The following GRIK1 variants were observed in gnomAD, a reference collection of about 807,000 sequenced individuals.
The protein encoded by GRIK1 is glutamate receptor ionotropic, kainate 1.
A neutral mutation model predicts 105.7 loss-of-function variants in GRIK1; 69 were observed. The observed-to-expected ratio is 0.65, with a 90% CI of 0.54 to 0.80. GRIK1 has a LOEUF of 0.80. Ranked by LOEUF, GRIK1 falls within the 30% of genes least tolerant of loss-of-function variation. The pLI is 0.00. For synonymous variants in GRIK1, 438 were observed against 431.3 expected (o/e 1.02, Z -0.19); for missense variants, 1,109 against 1,167.3 (o/e 0.95, Z 0.73).
rs1199185678 is a variant in GRIK1 at position 29,689,910 on chromosome 21, G to A, written c.362C>T (p.Ser121Phe). Residue 121 changes from serine to phenylalanine, a missense_variant, in exon 3 of 18, where the codon TCT (serine) becomes TTT (phenylalanine). Transcript: ENST00000327783. ...TGGAACTTCGAGAGCATTGCAAATAGACTGCACAGCACTGACGGAGGAGCT... is the reference window on the plus strand; with the variant it reads ...TGGAACTTCGAGAGCATTGCAAATAAACTGCACAGCACTGACGGAGGAGCT... ...SHSSSVSAVQ[S>F]ICNALEVPHI... 4 of 1,613,346 alleles carry A rather than the reference G, an allele frequency of 2.5e-6. No individual in the cohort carries two copies. Among genetic ancestry groups the A allele is most frequent in the Non-Finnish European group, 3.4e-6 (4 of 1,179,466 alleles).
At chr21:29,829,191 A>G (rs985425047) in intron 1 of GRIK1, among the ~76,000 whole-genome samples, 3 of 152,140 alleles carry the variant, frequency 2.0e-5, no homozygotes, top group African/African-American at 7.2e-5. Flanking sequence ...ATCTCACCAC[A>G]TGCTGCAGTG....
At chr21:29,901,959 A>G (rs456812) in intron 1 of GRIK1, among the ~76,000 whole-genome samples, 33,629 of 152,098 alleles carry the variant, frequency 0.22, 4,242 homozygotes, top group African/African-American at 0.34. Flanking sequence ...ACAATAAGTC[A>G]GCTTCATCCC....
intron 4 of GRIK1, among the ~76,000 whole-genome samples, chr21:29,660,507 A>G (rs758059059): frequency 2.0e-5 from 3 of 152,210 alleles, no homozygotes; most frequent in Non-Finnish European, 2.9e-5. Flanking sequence ...GGAGACAGCA[A>G]TGAAAAATTC....
chr21:29,774,140 T>C (rs1275048264), intron 1 of GRIK1, among the ~76,000 whole-genome samples: 1 of 152,198 alleles, frequency 6.6e-6, no homozygotes, highest in Admixed American at 6.5e-5. Context: ...TGCAGAGAAT[T>C]ATAATATCCT....
intron 1 of GRIK1, among the ~76,000 whole-genome samples, chr21:29,853,998 G>A (rs1367503235): frequency 1.3e-5 from 2 of 152,178 alleles, no homozygotes; most frequent in African/African-American, 2.4e-5. Context: ...GCAAAGGCCT[G>A]AAGGAAGTCA....
chr21:29,683,807 C>T (rs909456415), intron 3 of GRIK1, among the ~76,000 whole-genome samples: 1 of 152,216 alleles, frequency 6.6e-6, no homozygotes, highest in Non-Finnish European at 1.5e-5. Context: ...TAGCTATTTA[C>T]ATATGCAAAG....
intron 7 of GRIK1, among the ~76,000 whole-genome samples, chr21:29,613,498 G>A (rs2061774360): frequency 1.3e-5 from 2 of 152,180 alleles, no homozygotes; most frequent in Non-Finnish European, 2.9e-5. Context: ...TGATACTCAT[G>A]TTTGCTGACC....
intron 1 of GRIK1, among the ~76,000 whole-genome samples, chr21:29,753,557 C>T (rs2065259281): frequency 6.6e-6 from 1 of 152,202 alleles, no homozygotes; most frequent in Admixed American, 6.5e-5. Context: ...AAAATTGTCC[C>T]TGTGAAACCA....
rs544659166 is a variant in GRIK1 at position 29,656,292 on chromosome 21, C to T, written c.727-1429G>A. 2.1e-4 allele frequency among the ~76,000 whole-genome samples: 27 copies of T among 126,750 alleles called. No individual in the cohort carries two copies. The East Asian group carries it at 6.0e-3, about 28-fold the overall frequency. 83.2% of individuals were successfully genotyped at this position (126,750 alleles called of 152,430 possible). A position where few individuals can be genotyped will look rare whatever the true frequency, so the allele number is the denominator to read the frequency against. On this transcript the variant is annotated intron_variant, in intron 4 of 17. Transcript: ENST00000327783. ...CAGGAGAACGGCGTGAACCCGGGGG[C>T]GGAGCTTACAGTGAGCCAAGATCGC...
At chr21:29,843,248 AGTGACACATAC>A (rs1468679334) in intron 1 of GRIK1, among the ~76,000 whole-genome samples, 3 of 152,218 alleles carry the variant, frequency 2.0e-5, no homozygotes, top group African/African-American at 7.2e-5. Context: ...AGTGCAAGAC[AGTGACACATAC>A]CTAGAATTTG....
At chr21:29,660,252 A>T (rs927122038) in intron 4 of GRIK1, among the ~76,000 whole-genome samples, 1 of 152,154 alleles carries the variant, frequency 6.6e-6, no homozygotes, top group Non-Finnish European at 1.5e-5. Context: ...TGAAGTTATC[A>T]TGTACGGCCT....
At chr21:29,581,971 G>A (rs1365391839) in intron 12 of GRIK1, among the ~76,000 whole-genome samples, 1 of 152,152 alleles carries the variant, frequency 6.6e-6, no homozygotes, top group African/African-American at 2.4e-5. Flanking sequence ...GGTCCTGTGG[G>A]AGACACAAAA....
At chr21:29,662,182 G>T (rs181473666) in intron 4 of GRIK1, among the ~76,000 whole-genome samples, 10 of 152,310 alleles carry the variant, frequency 6.6e-5, no homozygotes, top group Admixed American at 2.0e-4. Flanking sequence ...AATCATTGGG[G>T]TTTAGTTTAG....
At chr21:29,932,825 C>T (rs949744819) in intron 1 of GRIK1, among the ~76,000 whole-genome samples, 2 of 151,374 alleles carry the variant, frequency 1.3e-5, no homozygotes, top group African/African-American at 4.8e-5. Flanking sequence ...TAAATATAGA[C>T]CTTTAATTTA....
intron 1 of GRIK1, among the ~76,000 whole-genome samples, chr21:29,734,138 G>T (rs1350992891): frequency 1.3e-5 from 2 of 152,010 alleles, no homozygotes; most frequent in Non-Finnish European, 2.9e-5. Context: ...ATCTGAAGAG[G>T]CTTATTTAAT....
rs2284468 is a variant in GRIK1 at position 29,863,017 on chromosome 21, C to G, written c.118+76366G>C. Among the ~76,000 whole-genome samples the G allele has an allele frequency of 6.6e-5, 10 of 152,266 alleles. No individual in the cohort carries two copies. The East Asian group carries it at 1.7e-3, about 26-fold the overall frequency. ...TTTCTCTGAGTTTAATGGATTAACT[C>G]TTGACAGTACCTGTGTATTTATCTC... On this transcript the variant is annotated intron_variant, in intron 1 of 17. Transcript: ENST00000327783.
chr21:29,929,366 T>C (rs906194535), intron 1 of GRIK1, among the ~76,000 whole-genome samples: 1 of 152,138 alleles, frequency 6.6e-6, no homozygotes, highest in African/African-American at 2.4e-5. Context: ...AACACATTAA[T>C]GGGAATAAAA....
chr21:29,780,418 A>G (rs1402893222), intron 1 of GRIK1, among the ~76,000 whole-genome samples: 1 of 152,238 alleles, frequency 6.6e-6, no homozygotes, highest in Non-Finnish European at 1.5e-5. Context: ...TGCATGAGAC[A>G]GTTTAGGAAG....
chr21:29,894,293 A>G (rs1456591773), intron 1 of GRIK1, among the ~76,000 whole-genome samples: 3 of 152,176 alleles, frequency 2.0e-5, no homozygotes, highest in African/African-American at 4.8e-5. Flanking sequence ...CAAAACCTCA[A>G]AAGTAGGGAA....
Sources: gnomAD v4.1 joint callset for allele counts (sites outside exome capture counted in the v4.1 genomes callset) on GRCh38, gnomAD v4.1.1 for gene constraint, MANE v1.5 for transcripts, NCBI Gene and HGNC (gene_info 2026-07-23, HGNC 2026-07-21) for gene names.